MAP3K13: variants seen among roughly 807,000 people sequenced by gnomAD.
The protein encoded by MAP3K13 is leucine zipper-bearing kinase.
In MAP3K13, 52 loss-of-function variants were observed where a neutral mutation model predicts 104.0. The ratio of observed to expected loss-of-function variants is 0.50; its 90% CI spans 0.40 to 0.63. The LOEUF is 0.63. MAP3K13 is among the 20% of genes least tolerant of loss of function. The pLI is 0.00. For missense variants in MAP3K13, 914 were observed against 1,218.5 expected (o/e 0.75, Z 3.72); for synonymous variants, 394 against 442.2 (o/e 0.89, Z 1.37).
chr3:185,384,341 A>T (rs1452340118), intron 1 of MAP3K13, among the ~76,000 whole-genome samples: 1 of 83,198 alleles, frequency 1.2e-5, no homozygotes, highest in Non-Finnish European at 2.5e-5. Context: ...TGTGTGTGAG[A>T]CACATTGTCT....
chr3:185,479,331 C>T (rs1718317133), intron 12 of MAP3K13, among the ~76,000 whole-genome samples: 2 of 152,150 alleles, frequency 1.3e-5, no homozygotes, highest in South Asian at 4.1e-4. Context: ...GGACACTGAT[C>T]AAAGTGTGTG....
In MAP3K13 at chr3:185,430,422, G is replaced by C. The variant is rs1391429493; in HGVS notation, c.475+1366G>C. On this transcript the variant is annotated intron_variant, in intron 2 of 13. Coordinates refer to ENST00000265026, the MANE Select transcript of MAP3K13 (RefSeq NM_004721.5). ...TTATTTCATCACTCAGTATCCAATA[G>C]TTATTTTATCTGATCCTCTTTCTCC... 2.0e-5 allele frequency among the ~76,000 whole-genome samples: 3 copies of C among 152,106 alleles called. No homozygotes were observed. In the South Asian group the frequency reaches 6.2e-4, roughly 32 times the overall value.
At chr3:185,453,828 T>TACATATATATG (rs1376058203) in intron 7 of MAP3K13, among the ~76,000 whole-genome samples, 7 of 12,944 alleles carry the variant, frequency 5.4e-4, no homozygotes, top group East Asian at 3.0e-3. Flanking sequence ...ATATATGAGA[T>TACATATATATG]ATATATATAT....
intron 1 of MAP3K13, among the ~76,000 whole-genome samples, chr3:185,391,242 A>G (rs1712036730): frequency 6.6e-6 from 1 of 152,048 alleles, no homozygotes; most frequent in African/African-American, 2.4e-5. Context: ...CCCTCCCCAC[A>G]CACCCTGGCA....
At chr3:185,461,484 C>T (rs1378553722) in intron 7 of MAP3K13, among the ~76,000 whole-genome samples, 3 of 106,924 alleles carry the variant, frequency 2.8e-5, no homozygotes, top group Non-Finnish European at 4.3e-5. Flanking sequence ...AGAATAACTA[C>T]TTACTTGATC....
At chr3:185,448,396 G>C (rs1715707312) in intron 5 of MAP3K13, among the ~76,000 whole-genome samples, 1 of 152,064 alleles carries the variant, frequency 6.6e-6, no homozygotes, top group African/African-American at 2.4e-5. Flanking sequence ...AGATGTAGGA[G>C]GTTGTTTTGC....
At position 185,367,807 on chromosome 3, in the gene MAP3K13, G is replaced by A. The variant is rs141470054; in HGVS notation, c.-86+4439G>A. ...GATGAGGTCTCCCTATGTCACCCAGGCTGGTCTCAAACTCCTGTGCTCAAG... is the reference window on the plus strand; with the variant it reads ...GATGAGGTCTCCCTATGTCACCCAGACTGGTCTCAAACTCCTGTGCTCAAG... On this transcript the variant is annotated intron_variant, in intron 1 of 13. Coordinates refer to ENST00000265026, the MANE Select transcript of MAP3K13 (RefSeq NM_004721.5). Among the ~76,000 whole-genome samples, 715 of 152,170 alleles carry A rather than the reference G, an allele frequency of 4.7e-3. 8 individuals are homozygous for A. Among genetic ancestry groups the A allele is most frequent in the African/African-American group, 0.016 (659 of 41,518 alleles).
chr3:185,395,086 A>G (rs987734486), intron 1 of MAP3K13, among the ~76,000 whole-genome samples: 1 of 152,158 alleles, frequency 6.6e-6, no homozygotes, highest in Non-Finnish European at 1.5e-5. Context: ...TCCTTTGCTT[A>G]ATTCTTGATA....
intron 1 of MAP3K13, among the ~76,000 whole-genome samples, chr3:185,376,483 G>A (rs56039259): frequency 0.18 from 26,937 of 151,982 alleles, 2,568 homozygotes; most frequent in Non-Finnish European, 0.21. Context: ...GCGCAGTCCC[G>A]GCTCTTGTGT....
chr3:185,401,291 T>C (rs961356347), intron 1 of MAP3K13, among the ~76,000 whole-genome samples: 1 of 152,206 alleles, frequency 6.6e-6, no homozygotes, highest in Non-Finnish European at 1.5e-5. Context: ...TGCCAAAATG[T>C]AAAGGGGGAG....
chr3:185,430,419 A>G (rs1433409907), intron 2 of MAP3K13, among the ~76,000 whole-genome samples: 2 of 152,232 alleles, frequency 1.3e-5, no homozygotes, highest in East Asian at 3.9e-4. Context: ...TCAGTATCCA[A>G]TAGTTATTTT....
upstream of MAP3K13, among the ~76,000 whole-genome samples, chr3:185,361,208 T>C (rs2108741083): frequency 6.6e-6 from 1 of 151,292 alleles, no homozygotes; most frequent in East Asian, 1.9e-4. Flanking sequence ...ACACACAAAT[T>C]GATGTTTCTT....
At chr3:185,427,517 T>G (rs1409678997) in intron 1 of MAP3K13, among the ~76,000 whole-genome samples, 1 of 152,210 alleles carries the variant, frequency 6.6e-6, no homozygotes, top group Non-Finnish European at 1.5e-5. Flanking sequence ...TTTAAAGAGC[T>G]AGGGCTTAGT....
At chr3:185,332,306 A>G (rs1233788545) in intron 2 of MAP3K13, among the ~76,000 whole-genome samples, 1 of 151,928 alleles carries the variant, frequency 6.6e-6, no homozygotes, top group Admixed American at 6.6e-5. Flanking sequence ...TGCCAGTTTG[A>G]TAGGTTAAAT....
At chr3:185,293,150 C>T (rs1479111752) in intron 2 of MAP3K13, 2 of 636,490 alleles carry the variant, frequency 3.1e-6, no homozygotes, top group Non-Finnish European at 3.9e-6. Flanking sequence ...CAGAGTCTGG[C>T]TCTGTCACCC....
chr3:185,420,379 T>C (rs1714047460), intron 1 of MAP3K13, among the ~76,000 whole-genome samples: 1 of 152,226 alleles, frequency 6.6e-6, no homozygotes, highest in African/African-American at 2.4e-5. Context: ...AATTAAGATC[T>C]GGGTGACAGA....
intron 2 of MAP3K13, among the ~76,000 whole-genome samples, chr3:185,306,791 T>A (rs1386574016): frequency 6.6e-6 from 1 of 152,198 alleles, no homozygotes; most frequent in Non-Finnish European, 1.5e-5. Flanking sequence ...TTTAATTAGG[T>A]TCCACTTGTC....
At chr3:185,474,585 T>A (rs1718001978) in intron 11 of MAP3K13, among the ~76,000 whole-genome samples, 1 of 152,212 alleles carries the variant, frequency 6.6e-6, no homozygotes, top group African/African-American at 2.4e-5. Context: ...TACAGCCTTT[T>A]TAAATTAACA....
intron 1 of MAP3K13, among the ~76,000 whole-genome samples, chr3:185,390,893 T>TTTG (rs1712011786): frequency 6.6e-6 from 1 of 152,080 alleles, no homozygotes; most frequent in African/African-American, 2.4e-5. Flanking sequence ...AGTGCTGGGA[T>TTTG]TACAGGCGTG....
Sources: gnomAD v4.1 joint callset for allele counts (sites outside exome capture counted in the v4.1 genomes callset) on GRCh38, gnomAD v4.1.1 for gene constraint, MANE v1.5 for transcripts, NCBI Gene and HGNC (gene_info 2026-07-23, HGNC 2026-07-21) for gene names.